HOMER1: variants seen among roughly 807,000 people sequenced by gnomAD.
HOMER1 encodes homer scaffold protein 1.
A neutral mutation model predicts 48.9 loss-of-function variants in HOMER1; 3 were observed. That is an observed-to-expected ratio of 0.06 (90% confidence interval 0.03 to 0.16). The LOEUF is 0.16. HOMER1 is among the 10% of genes least tolerant of loss of function. The probability of loss-of-function intolerance (pLI) is 1.00; values close to 1 mark genes in which losing one functional copy is unlikely to be tolerated. For synonymous variants in HOMER1, 134 were observed against 146.4 expected, an observed-to-expected ratio of 0.92 and a Z score of 0.61; for missense variants, 247 against 411.4, an observed-to-expected ratio of 0.60 and a Z score of 3.46.
In HOMER1 at chr5:79,509,283, C is replaced by A. The variant is rs189614427; in HGVS notation, c.5+3487G>T. 1.6e-4 allele frequency among the ~76,000 whole-genome samples: 24 copies of A among 152,240 alleles called. No homozygotes were observed. The East Asian group carries it at 4.4e-3, about 28-fold the overall frequency. On this transcript the variant is annotated intron_variant, in intron 1 of 8. Transcript: ENST00000334082. ...TAACAGATTCCATTAGCAGGGAGAG[C>A]CCCATTTTATGTATAAGTAGCTCTT...
At chr5:79,445,038 TAAAA>T (rs796448240) in intron 4 of HOMER1, among the ~76,000 whole-genome samples, 22 of 149,702 alleles carry the variant, frequency 1.5e-4, no homozygotes, top group African/African-American at 5.4e-4. Flanking sequence ...TTATTCTTAT[TAAAA>T]AAAAAATCAA....
intron 8 of HOMER1, among the ~76,000 whole-genome samples, chr5:79,386,281 C>T (rs377369017): frequency 5.3e-5 from 8 of 152,160 alleles, no homozygotes; most frequent in African/African-American, 1.9e-4. Context: ...ATTATTCAGC[C>T]TTAAAAAGGA....
intron 3 of HOMER1, among the ~76,000 whole-genome samples, chr5:79,448,314 T>C (rs1421885069): frequency 6.6e-6 from 1 of 152,204 alleles, no homozygotes; most frequent in Non-Finnish European, 1.5e-5. Context: ...TGAAATAGTA[T>C]ACAAGGTTTT....
intron 5 of HOMER1, among the ~76,000 whole-genome samples, chr5:79,431,633 TTA>T (rs1428193209): frequency 6.6e-6 from 1 of 152,152 alleles, no homozygotes; most frequent in African/African-American, 2.4e-5. Context: ...AGTATTTGAA[TTA>T]TATCTCAATA....
chr5:79,501,930 TGAAAA>T (rs895187895), intron 1 of HOMER1, among the ~76,000 whole-genome samples: 1 of 151,932 alleles, frequency 6.6e-6, no homozygotes, highest in African/African-American at 2.4e-5. Context: ...TAGCCAATCT[TGAAAA>T]GAATAAGATA....
chr5:79,459,804 G>A (rs1449294748), intron 1 of HOMER1, among the ~76,000 whole-genome samples: 1 of 152,142 alleles, frequency 6.6e-6, no homozygotes. Flanking sequence ...GAAAACAGAT[G>A]CCTAAATAGA....
At chr5:79,440,629 G>C (rs973214557) in intron 4 of HOMER1, among the ~76,000 whole-genome samples, 4 of 152,114 alleles carry the variant, frequency 2.6e-5, no homozygotes, top group African/African-American at 9.7e-5. Flanking sequence ...CCTATTAAGT[G>C]AATAATGGGA....
At chr5:79,462,015 A>C (rs1038928316) in intron 1 of HOMER1, among the ~76,000 whole-genome samples, 1 of 152,186 alleles carries the variant, frequency 6.6e-6, no homozygotes, top group South Asian at 2.1e-4. Context: ...CCTGGGCAAC[A>C]TGGTAAAACC....
chr5:79,429,168 C>T (rs939548986), intron 5 of HOMER1, among the ~76,000 whole-genome samples: 11 of 152,126 alleles, frequency 7.2e-5, no homozygotes, highest in African/African-American at 2.7e-4. Flanking sequence ...CTGGCCTGGC[C>T]AACATGGTGA....
chr5:79,400,732 A>AC (rs1334237118), intron 6 of HOMER1, among the ~76,000 whole-genome samples: 4 of 137,498 alleles, frequency 2.9e-5, no homozygotes, highest in African/African-American at 1.2e-4. Context: ...TAAAAAAAAA[A>AC]AAACTTCTTC....
chr5:79,503,330 C>G (rs575895811), intron 1 of HOMER1, among the ~76,000 whole-genome samples: 1 of 151,368 alleles, frequency 6.6e-6, no homozygotes, highest in East Asian at 2.0e-4. Context: ...GTCAGGAGCT[C>G]GAGACCAGCC....
intron 8 of HOMER1, among the ~76,000 whole-genome samples, chr5:79,377,433 G>A (rs1397069594): frequency 3.3e-5 from 5 of 152,150 alleles, no homozygotes; most frequent in Non-Finnish European, 7.4e-5. Context: ...ATTCAGATAA[G>A]CAATGAATTG....
intron 5 of HOMER1, among the ~76,000 whole-genome samples, chr5:79,409,838 T>G (rs947476261): frequency 1.1e-4 from 17 of 152,068 alleles, no homozygotes; most frequent in Non-Finnish European, 2.5e-4. Flanking sequence ...TCACATCCAC[T>G]AGGATGGCAC....
At chr5:79,407,046 AAGATG>A (rs1449271739) in intron 5 of HOMER1, among the ~76,000 whole-genome samples, 1 of 152,220 alleles carries the variant, frequency 6.6e-6, no homozygotes, top group Non-Finnish European at 1.5e-5. Flanking sequence ...AAAAGACCAA[AAGATG>A]AGTGTCGAGC....
At chr5:79,402,141 G>A in intron 5 of HOMER1, 86 bp from the exon 6 acceptor site, 2 of 1,072,300 alleles carry the variant, frequency 1.9e-6, no homozygotes, top group South Asian at 1.6e-5. Flanking sequence ...CTATTGTAGG[G>A]TTTATAGTCT....
At chr5:79,449,980 G>C (rs1750988974) in intron 3 of HOMER1, among the ~76,000 whole-genome samples, 1 of 152,090 alleles carries the variant, frequency 6.6e-6, no homozygotes, top group African/African-American at 2.4e-5. Flanking sequence ...TTTCTAAAAA[G>C]AACCCAGTTT....
chr5:79,410,110 G>GTAT (rs570098284), intron 5 of HOMER1, among the ~76,000 whole-genome samples: 1 of 151,958 alleles, frequency 6.6e-6, no homozygotes, highest in Non-Finnish European at 1.5e-5. Flanking sequence ...TAAAACATAG[G>GTAT]TATTATAAAT....
intron 1 of HOMER1, among the ~76,000 whole-genome samples, chr5:79,496,854 C>T (rs1348859178): frequency 6.6e-6 from 1 of 151,672 alleles, no homozygotes; most frequent in Admixed American, 6.6e-5. Context: ...CACTTGAGGC[C>T]GAGAGTTCGA....
In HOMER1 at chr5:79,379,115, A is replaced by ATATATATATATATAT. The variant is rs1349080228; in HGVS notation, c.877-2919_877-2918insATATATATATATATA. 4.7e-3 allele frequency among the ~76,000 whole-genome samples: 262 copies of ATATATATATATATAT among 55,566 alleles called. 20 individuals are homozygous for ATATATATATATATAT. The highest frequency in any genetic ancestry group is 8.7e-3 in the African/African-American group (121 of 13,972). The allele number at this position is 55,566 out of a possible 152,430, so 36.5% of individuals were successfully genotyped here. A position where few individuals can be genotyped will look rare whatever the true frequency, so the allele number is the denominator to read the frequency against. ...ATATATATATATATATATATATATA[A>ATATATATATATATAT]AATATATAAATATTTATTTATATAT... is the stretch of plus-strand genomic sequence containing the variant. On this transcript the variant is annotated intron_variant, in intron 8 of 8. Transcript: ENST00000334082.
Sources: allele counts gnomAD v4.1 joint callset (sites outside exome capture counted in the v4.1 genomes callset), GRCh38; gene constraint gnomAD v4.1.1; transcripts MANE v1.5; gene names NCBI Gene and HGNC (gene_info 2026-07-23, HGNC 2026-07-21).